Variants in SDCBP2 observed in about 807,000 individuals in gnomAD.
SDCBP2 encodes the protein syndecan binding protein 2, also known as syntenin-2.
In SDCBP2, 28 loss-of-function variants were observed where a neutral mutation model predicts 30.7. The observed-to-expected ratio is 0.91, with a 90% CI of 0.68 to 1.25. SDCBP2 has a LOEUF of 1.25. Among genes scored for constraint, SDCBP2 ranks in the 50% most tolerant of loss-of-function variants. SDCBP2 has a pLI of 0.00. For missense variants in SDCBP2, 399 were observed against 379.0 expected (o/e 1.05, Z -0.44); for synonymous variants, 166 against 157.3 (o/e 1.06, Z -0.41).
intron 4 of SDCBP2, 55 bp downstream of exon 4, chr20:1,318,263 A>T (rs2088806993): frequency 8.2e-7 from 1 of 1,219,470 alleles, no homozygotes; most frequent in African/African-American, 1.5e-5. Flanking sequence ...AAGACCAGGA[A>T]AAAGGGAGGA....
In SDCBP2 at chr20:1,319,590, C is replaced by G. The variant is rs767954659; in HGVS notation, c.124G>C (p.Val42Leu). Residue 42 changes from valine (V) to leucine (L), a missense_variant and splice_region_variant, in exon 3 of 9, where the codon GTT becomes CTT. By Grantham distance (32) the Val-to-Leu change is conservative. Coordinates refer to ENST00000360779, the MANE Select transcript of SDCBP2 (RefSeq NM_080489.5). The part of the protein sequence containing the change: ...VQATAISPPP[V>L]LYPNLAELEN... ...GAGCCCCTCATCCCAGCCCACTCACCTGGTGGTGGGGAAATGGCTGTTGCC... is the reference window on the plus strand; with the variant it reads ...GAGCCCCTCATCCCAGCCCACTCACGTGGTGGTGGGGAAATGGCTGTTGCC... 6.4e-7 allele frequency: 1 copy of G among 1,566,422 alleles called. No homozygotes were observed. The highest frequency in any genetic ancestry group is 8.7e-7 in the Non-Finnish European group (1 of 1,154,346).
intron 1 of SDCBP2, among the ~76,000 whole-genome samples, chr20:1,326,500 A>G (rs1030828844): frequency 6.6e-6 from 1 of 152,198 alleles, no homozygotes; most frequent in African/African-American, 2.4e-5. Flanking sequence ...TCATGCCTCC[A>G]TGCTTTTGCA....
At chr20:1,325,901 T>G (rs1186500866) in intron 1 of SDCBP2, 1 of 152,176 alleles carries the variant, frequency 6.6e-6, no homozygotes, top group East Asian at 1.9e-4. Context: ...CTACGCAGAT[T>G]CACCCCGCGT....
At chr20:1,317,940 T>C (rs569814909) in intron 4 of SDCBP2, 92 of 350,930 alleles carry the variant, frequency 2.6e-4, no homozygotes, top group African/African-American at 1.9e-3. Flanking sequence ...GTTGTTTAAT[T>C]TGGGGACCAG....
rs1381520577 is a variant in SDCBP2 at position 1,313,576 on chromosome 20, G to C, written c.226-78C>G. 1.0e-5 allele frequency: 15 copies of C among 1,467,560 alleles called. No homozygotes were observed. Among genetic ancestry groups the C allele is most frequent in the Non-Finnish European group, 1.4e-5 (15 of 1,110,672 alleles). The allele number at this position is 1,467,560 out of a possible 1,614,324, so 90.9% of individuals were successfully genotyped here. A position where few individuals can be genotyped will look rare whatever the true frequency, so the allele number is the denominator to read the frequency against. ...TCAGGAGACACTGGGGTGGGGGTAG[G>C]GATGGGGAAAGGAGGATGGAGCCGT... is the stretch of plus-strand genomic sequence containing the variant. On this transcript the variant is annotated intron_variant, in intron 4 of 8. Transcript: ENST00000360779. This position sits in a 1 kb window ranked among gnomAD's most constrained non-coding sequence, Gnocchi z 5.2.
intron 3 of SDCBP2, 95 bp downstream of exon 3, chr20:1,319,495 G>T (rs1358928324): frequency 1.5e-6 from 2 of 1,300,568 alleles, no homozygotes; most frequent in African/African-American, 2.9e-5. Flanking sequence ...CTTAACCCTG[G>T]AGCCTCCCAT....
chr20:1,313,051 C>T lies in SDCBP2; in HGVS notation c.384+289G>A. On this transcript the variant is annotated intron_variant, in intron 5 of 8. Coordinates refer to ENST00000360779, the MANE Select transcript of SDCBP2 (RefSeq NM_080489.5). This position sits in a 1 kb window ranked among gnomAD's most constrained non-coding sequence, Gnocchi z 5.2. ...GGGCTTCCCTGGCGTCGGCTGTCTA[C>T]ACCGTCGCCTGGAAGCTAGATGCCC... is the stretch of plus-strand genomic sequence containing the variant. 1.7e-6 allele frequency: 1 copy of T among 588,406 alleles called. No homozygotes were observed. Among genetic ancestry groups the T allele is most frequent in the Non-Finnish European group, 3.0e-6 (1 of 331,062 alleles). 36.4% of individuals were successfully genotyped at this position (588,406 alleles called of 1,614,324 possible).
chr20:1,319,517 T>A (rs1222963967), intron 3 of SDCBP2, 73 bp downstream of exon 3: 7 of 1,474,824 alleles, frequency 4.7e-6, no homozygotes, highest in African/African-American at 2.8e-5. Context: ...CCTTTGGCAT[T>A]GCCAAGCTTC....
Position 1,313,516 on chromosome 20 carries a change from C to A in SDCBP2, c.226-18G>T. 6.4e-7 allele frequency: 1 copy of A among 1,565,586 alleles called. No homozygotes were observed. The highest frequency in any genetic ancestry group is 8.6e-7 in the Non-Finnish European group (1 of 1,160,408). ...ACCGCTGTCTGCAGACACCAGGGGG[C>A]AGGGGGTCAGCCCGGCCCGTGGGGA... On this transcript the variant is annotated intron_variant, in intron 4 of 8. Transcript: ENST00000360779. The surrounding 1 kb of genome is among the most constrained non-coding windows in gnomAD (Gnocchi z 5.2).
chr20:1,325,228 A>G (rs2088902681), intron 1 of SDCBP2, among the ~76,000 whole-genome samples: 1 of 152,224 alleles, frequency 6.6e-6, no homozygotes, highest in Non-Finnish European at 1.5e-5. Context: ...CGAAATGACT[A>G]TAACCCCTTT....
intron 1 of SDCBP2, among the ~76,000 whole-genome samples, chr20:1,327,118 A>G (rs1455822694): frequency 2.0e-5 from 3 of 152,196 alleles, no homozygotes; most frequent in Non-Finnish European, 1.5e-5. Context: ...TCCGAAAGGA[A>G]AAGAACCCAC....
chr20:1,310,724 G>C (rs1203399651), intron 8 of SDCBP2, 76 bp downstream of exon 8: 1 of 1,329,204 alleles, frequency 7.5e-7, no homozygotes, highest in Non-Finnish European at 1.1e-6. Flanking sequence ...GCTGAGCCAG[G>C]TGCACCTGGG....
At chr20:1,315,653 G>A (rs1034673797) in intron 4 of SDCBP2, among the ~76,000 whole-genome samples, 5 of 151,930 alleles carry the variant, frequency 3.3e-5, no homozygotes, top group East Asian at 1.9e-4. Context: ...AAACGTAAAC[G>A]CAAAACATAA....
Position 1,310,420 on chromosome 20 carries a change from C to A in SDCBP2, c.*21G>T. 6.2e-7 allele frequency: 1 copy of A among 1,612,242 alleles called. No individual in the cohort carries two copies. The highest frequency in any genetic ancestry group is 1.1e-5 in the South Asian group (1 of 90,978). ...CAGGAGGGCGGGAAGCCCCCCCTGC[C>A]TGCCCTGCCCTGCAGTGGCTTCAGG... On this transcript the variant is annotated 3_prime_UTR_variant, in exon 9 of 9. Coordinates refer to ENST00000360779, the MANE Select transcript of SDCBP2 (RefSeq NM_080489.5).
intron 7 of SDCBP2, 46 bp downstream of exon 7, chr20:1,312,291 C>G: frequency 6.3e-7 from 1 of 1,589,922 alleles, no homozygotes; most frequent in South Asian, 1.1e-5. Flanking sequence ...AGACCTGAGC[C>G]CTCCCACCAC....
chr20:1,318,584 C>T (rs764407191), intron 3 of SDCBP2, among the ~76,000 whole-genome samples, 166 bp from the exon 4 acceptor site: 6 of 152,200 alleles, frequency 3.9e-5, no homozygotes, highest in Non-Finnish European at 7.3e-5. Flanking sequence ...CTGATGAGCG[C>T]TCCTCAGAGG....
At chr20:1,317,295 C>T (rs1023337813) in intron 4 of SDCBP2, among the ~76,000 whole-genome samples, 3 of 152,174 alleles carry the variant, frequency 2.0e-5, no homozygotes, top group Non-Finnish European at 4.4e-5. Flanking sequence ...ATTGAGGAAA[C>T]TGGGTGAAGG....
chr20:1,316,494 ATCC>A (rs1210831534), intron 4 of SDCBP2, among the ~76,000 whole-genome samples: 1 of 152,122 alleles, frequency 6.6e-6, no homozygotes, highest in Non-Finnish European at 1.5e-5. Flanking sequence ...GGCTCAAGCA[ATCC>A]TCCTGCCTCA....
chr20:1,311,090 GA>G, intron 7 of SDCBP2, 199 bp from the exon 8 acceptor site: 1 of 528,342 alleles, frequency 1.9e-6, no homozygotes, highest in South Asian at 2.7e-5. Context: ...GCTTGAGTGA[GA>G]ACATGGGTCT....
Sources: allele counts gnomAD v4.1 joint callset (sites outside exome capture counted in the v4.1 genomes callset), GRCh38; gene constraint gnomAD v4.1.1; non-coding constraint Gnocchi (gnomAD v3.1); transcripts MANE v1.5; gene names NCBI Gene and HGNC (gene_info 2026-07-23, HGNC 2026-07-21).